The following TNR variants were observed in gnomAD, a reference collection of about 807,000 sequenced individuals.
The protein encoded by TNR is tenascin R, also known as tenascin-R.
A neutral mutation model predicts 150.4 loss-of-function variants in TNR; 45 were observed. The ratio of observed to expected loss-of-function variants is 0.30; its 90% CI spans 0.24 to 0.38. The LOEUF (loss-of-function observed/expected upper bound fraction) is 0.38. Among genes scored for constraint, TNR ranks in the 10% least tolerant of loss-of-function variants. The probability of loss-of-function intolerance (pLI) is 1.00; values close to 1 mark genes in which losing one functional copy is unlikely to be tolerated. For synonymous variants in TNR, 687 were observed against 678.4 expected, an observed-to-expected ratio of 1.01 and a Z score of -0.20; for missense variants, 1,544 against 1,759.1, an observed-to-expected ratio of 0.88 and a Z score of 2.19.
At chr1:175,669,797 C>T (rs373366746) in intron 1 of TNR, among the ~76,000 whole-genome samples, 23 of 152,170 alleles carry the variant, frequency 1.5e-4, no homozygotes, top group African/African-American at 5.3e-4. Flanking sequence ...CTTCCAAATA[C>T]CAATCTGAGT....
intron 1 of TNR, among the ~76,000 whole-genome samples, chr1:175,585,824 C>T (rs915954158): frequency 2.0e-5 from 3 of 152,100 alleles, no homozygotes; most frequent in African/African-American, 7.2e-5. Context: ...TCTCTCATTT[C>T]CTTCTCTCCT....
chr1:175,714,796 T>C (rs1667110309), intron 1 of TNR, among the ~76,000 whole-genome samples: 1 of 152,146 alleles, frequency 6.6e-6, no homozygotes, highest in South Asian at 2.1e-4. Flanking sequence ...CACTGGACAA[T>C]GTGCAAGACA....
At chr1:175,714,115 C>T (rs1667091228) in intron 1 of TNR, among the ~76,000 whole-genome samples, 1 of 151,746 alleles carries the variant, frequency 6.6e-6, no homozygotes, top group African/African-American at 2.4e-5. Context: ...TAGCTGCCCT[C>T]TCTTTAAAAC....
intron 1 of TNR, among the ~76,000 whole-genome samples, chr1:175,639,321 T>G (rs1378920220): frequency 6.6e-6 from 1 of 152,140 alleles, no homozygotes; most frequent in Non-Finnish European, 1.5e-5. Flanking sequence ...TCTTTCTACT[T>G]TTATAAGTAA....
In TNR at chr1:175,590,698, C is replaced by T. The variant is rs115243738; in HGVS notation, c.-164-62329G>A. On this transcript the variant is annotated intron_variant, in intron 1 of 22. Coordinates refer to ENST00000367674, the MANE Select transcript of TNR (RefSeq NM_003285.3). ...AAGGGCATTCTAGGCCAAAGGACAGCGTGGGCTAAGGTGAGGAGAACTGCA... is the reference window on the plus strand; with the variant it reads ...AAGGGCATTCTAGGCCAAAGGACAGTGTGGGCTAAGGTGAGGAGAACTGCA... 6.4e-3 allele frequency among the ~76,000 whole-genome samples: 974 copies of T among 152,306 alleles called. 11 individuals are homozygous for T. The highest frequency in any genetic ancestry group is 0.021 in the African/African-American group (873 of 41,576).
At chr1:175,400,092 A>T (rs1320251187) in intron 4 of TNR, among the ~76,000 whole-genome samples, 3 of 152,228 alleles carry the variant, frequency 2.0e-5, no homozygotes, top group Non-Finnish European at 4.4e-5. Context: ...CTCCCTGGCC[A>T]GCCCCAGCAC....
chr1:175,445,524 C>G (rs1382777869), intron 2 of TNR, among the ~76,000 whole-genome samples: 1 of 152,162 alleles, frequency 6.6e-6, no homozygotes, highest in Non-Finnish European at 1.5e-5. Context: ...CAGGCATGTA[C>G]AAGCTGCAGT....
At chr1:175,591,076 G>C (rs1305741392) in intron 1 of TNR, among the ~76,000 whole-genome samples, 1 of 152,216 alleles carries the variant, frequency 6.6e-6, no homozygotes, top group African/African-American at 2.4e-5. Flanking sequence ...ATAGCTTTTA[G>C]GCTTAGCTCT....
chr1:175,628,524 AT>A (rs1664224404), intron 1 of TNR, among the ~76,000 whole-genome samples: 1 of 137,834 alleles, frequency 7.3e-6, no homozygotes. Context: ...TAATAATAAA[AT>A]TAAAAAAAAA....
chr1:175,720,521 T>A (rs113574605), intron 1 of TNR, among the ~76,000 whole-genome samples: 1 of 152,230 alleles, frequency 6.6e-6, no homozygotes, highest in Non-Finnish European at 1.5e-5. Context: ...AGACGGGAAC[T>A]GTGCTTGGGC....
intron 18 of TNR, among the ~76,000 whole-genome samples, chr1:175,351,937 CTGGAGTCTTG>C (rs1420146799): frequency 6.6e-6 from 1 of 152,328 alleles, no homozygotes; most frequent in East Asian, 1.9e-4. Flanking sequence ...CTGGTGTCAA[CTGGAGTCTTG>C]TAAACACAAA....
At chr1:175,590,624 G>A (rs1258357047) in intron 1 of TNR, among the ~76,000 whole-genome samples, 2 of 152,222 alleles carry the variant, frequency 1.3e-5, no homozygotes, top group Non-Finnish European at 2.9e-5. Flanking sequence ...TGGCACAAAG[G>A]AGGGGGGGAT....
At chr1:175,340,018 A>C (rs540973432) in intron 18 of TNR, among the ~76,000 whole-genome samples, 1 of 152,218 alleles carries the variant, frequency 6.6e-6, no homozygotes, top group African/African-American at 2.4e-5. Flanking sequence ...AGACAAGGGG[A>C]GTTTTGAATA....
intron 1 of TNR, among the ~76,000 whole-genome samples, chr1:175,653,259 C>G (rs998120227): frequency 6.6e-6 from 1 of 152,144 alleles, no homozygotes; most frequent in African/African-American, 2.4e-5. Flanking sequence ...GGTGTTCTGT[C>G]CTAGGAAATG....
intron 2 of TNR, among the ~76,000 whole-genome samples, chr1:175,499,315 G>A (rs1658627335): frequency 6.6e-6 from 1 of 152,214 alleles, no homozygotes; most frequent in Non-Finnish European, 1.5e-5. Context: ...ACATGTTTGA[G>A]TATTTAATAT....
rs527518133 is a variant in TNR at position 175,335,691 on chromosome 1, A to C, written c.3631+20T>G. 6.2e-7 allele frequency: 1 copy of C among 1,605,506 alleles called. No individual in the cohort carries two copies. The highest frequency in any genetic ancestry group is 1.3e-5 in the African/African-American group (1 of 74,592). ...AAAGCCAGAGAAGCACATCAATGGA[A>C]AGCAATAAGGAGGCTTTACCCAGCC... is the stretch of plus-strand genomic sequence containing the variant. On this transcript the variant is annotated intron_variant, in intron 20 of 22. Transcript: ENST00000367674.
intron 20 of TNR, among the ~76,000 whole-genome samples, chr1:175,332,164 T>G (rs963189689): frequency 5.3e-5 from 8 of 152,174 alleles, no homozygotes; most frequent in African/African-American, 1.7e-4. Flanking sequence ...TGGGAGTCAC[T>G]TCATCCTGGA....
chr1:175,707,926 A>C (rs1184868198), intron 1 of TNR, among the ~76,000 whole-genome samples: 2 of 152,218 alleles, frequency 1.3e-5, no homozygotes, highest in South Asian at 2.1e-4. Flanking sequence ...ACAGGGCTAC[A>C]TAATGAATTA....
At chr1:175,440,987 A>G (rs1464806494) in intron 2 of TNR, among the ~76,000 whole-genome samples, 1 of 152,144 alleles carries the variant, frequency 6.6e-6, no homozygotes, top group Non-Finnish European at 1.5e-5. Flanking sequence ...CATAAAGGCA[A>G]GCTGATTGGT....
Sources: allele counts gnomAD v4.1 joint callset (sites outside exome capture counted in the v4.1 genomes callset), GRCh38; gene constraint gnomAD v4.1.1; transcripts MANE v1.5; gene names NCBI Gene and HGNC (gene_info 2026-07-23, HGNC 2026-07-21).